PBK: variants seen among roughly 807,000 people sequenced by gnomAD.
PBK encodes the protein lymphokine-activated killer T-cell-originated protein kinase.
PBK carries 22 observed loss-of-function variants against 33.5 expected under a neutral mutation model. That is an observed-to-expected ratio of 0.66 (90% confidence interval 0.47 to 0.94). PBK has a LOEUF of 0.94. Among genes scored for constraint, PBK ranks in the 40% least tolerant of loss-of-function variants. The pLI, the probability that PBK is intolerant of heterozygous loss-of-function variation, is 0.00. For missense variants in PBK, 376 were observed against 383.4 expected (o/e 0.98, Z 0.16); for synonymous variants, 129 against 123.8 (o/e 1.04, Z -0.28).
chr8:27,810,528 T>TAAAC, intron 7 of PBK, 27 bp from the exon 8 acceptor site: 1 of 1,408,520 alleles, frequency 7.1e-7, no homozygotes, highest in Non-Finnish European at 9.9e-7. Context: ...ATTGAAACAA[T>TAAAC]AAACAAAATC....
intron 6 of PBK, among the ~76,000 whole-genome samples, chr8:27,814,220 A>G (rs72609986): frequency 0.16 from 23,939 of 152,154 alleles, 2,392 homozygotes; most frequent in East Asian, 0.37. Context: ...CTTAGTAGAC[A>G]TAGGGCTATG....
intron 3 of PBK, among the ~76,000 whole-genome samples, chr8:27,826,795 C>CAAAAA (rs5890381): frequency 6.0e-5 from 4 of 66,218 alleles, no homozygotes; most frequent in Non-Finnish European, 8.1e-5. Context: ...GACTCCGTCT[C>CAAAAA]AAAAAAAAAA....
intron 3 of PBK, among the ~76,000 whole-genome samples, chr8:27,824,929 A>AAT (rs1428818204): frequency 3.3e-5 from 5 of 152,216 alleles, no homozygotes; most frequent in Admixed American, 6.5e-5. Context: ...TAACAAAAAA[A>AAT]ATATAGACTT....
chr8:27,826,352 G>A (rs1806023814), intron 3 of PBK, among the ~76,000 whole-genome samples: 1 of 152,148 alleles, frequency 6.6e-6, no homozygotes, highest in African/African-American at 2.4e-5. Context: ...GCTACCAGAT[G>A]TCCTAAATGA....
intron 3 of PBK, among the ~76,000 whole-genome samples, chr8:27,826,366 C>T (rs1006968353): frequency 6.6e-6 from 1 of 152,010 alleles, no homozygotes; most frequent in African/African-American, 2.4e-5. Context: ...TAAATGAAAA[C>T]GGGATGTAAA....
intron 1 of PBK, among the ~76,000 whole-genome samples, chr8:27,836,280 G>C (rs1806226732): frequency 6.6e-6 from 1 of 152,028 alleles, no homozygotes. Context: ...ATGAGACAAA[G>C]TCAGGGAGGC....
chr8:27,832,931 CA>C, intron 2 of PBK, 124 bp downstream of exon 2: 4 of 605,964 alleles, frequency 6.6e-6, no homozygotes, highest in Non-Finnish European at 1.2e-5. Context: ...AGATTAACAT[CA>C]TAAAGGGGAG....
Position 27,820,548 on chromosome 8 carries a change from T to C in PBK, c.595+17A>G. 6.7e-7 allele frequency: 1 copy of C among 1,485,958 alleles called. No homozygotes were observed. Among genetic ancestry groups the C allele is most frequent in the Middle Eastern group, 1.7e-4 (1 of 5,774 alleles). 92.0% of individuals were successfully genotyped at this position (1,485,958 alleles called of 1,614,324 possible). A position where few individuals can be genotyped will look rare whatever the true frequency, so the allele number is the denominator to read the frequency against. ...TGTATTAAAAACAAAATTTTAAAAC[T>C]TAAGAGTACAACTTACCAGTCATAT... On this transcript the variant is annotated intron_variant, in intron 6 of 7. Coordinates refer to ENST00000301905, the MANE Select transcript of PBK (RefSeq NM_018492.4).
Position 27,811,122 on chromosome 8 carries a change from T to C in PBK, c.608A>G (p.Glu203Gly). ...LDENMTVTDPEACYIGTEPWK... is the reference protein window; with the variant it reads ...LDENMTVTDPGACYIGTEPWK... ...TGGCTCTGTGCCAATGTAACAAGCC[T>C]CAGGGTCAGTCACTGAAACAAGCAA... Residue 203 changes from glutamate to glycine, a missense_variant, in exon 7 of 8, where the codon GAG becomes GGG. By Grantham distance (98) the Glu-to-Gly change is moderately conservative (BLOSUM62 -2). Coordinates refer to ENST00000301905, the MANE Select transcript of PBK (RefSeq NM_018492.4). The C allele has an allele frequency of 6.2e-7, 1 of 1,613,834 alleles. No individual in the cohort carries two copies. The highest frequency in any genetic ancestry group is 8.5e-7 in the Non-Finnish European group (1 of 1,179,820).
intron 1 of PBK, among the ~76,000 whole-genome samples, chr8:27,836,470 A>C (rs541445552): frequency 1.3e-5 from 2 of 151,826 alleles, no homozygotes. Flanking sequence ...TGAAGATTTA[A>C]GTTTGTGGGA....
At chr8:27,830,515 T>C (rs1372171461) in intron 2 of PBK, among the ~76,000 whole-genome samples, 3 of 152,156 alleles carry the variant, frequency 2.0e-5, no homozygotes, top group Non-Finnish European at 2.9e-5. Flanking sequence ...CATCCAACAA[T>C]AGACAATTAC....
intron 3 of PBK, among the ~76,000 whole-genome samples, chr8:27,824,441 AAAAAT>A (rs759086946): frequency 2.8e-4 from 43 of 152,162 alleles, no homozygotes; most frequent in Non-Finnish European, 7.4e-5. Flanking sequence ...TTACACAAGA[AAAAAT>A]AAAGACAATA....
chr8:27,811,692 AATTC>A lies in PBK; in HGVS notation c.596-562_596-559del, dbSNP rs1478249473. Among the ~76,000 whole-genome samples the A allele has an allele frequency of 2.0e-5, 3 of 152,272 alleles. No homozygotes were observed. In the South Asian group the frequency reaches 6.2e-4, roughly 32 times the overall value. ...CAATTTCAATGAAAAAGCCAGCTAAAATTCTCATTAGGATTGGACTAAATCTCTG... is the reference window on the plus strand; with the variant it reads ...CAATTTCAATGAAAAAGCCAGCTAAATCATTAGGATTGGACTAAATCTCTG... On this transcript the variant is annotated intron_variant, in intron 6 of 7. Transcript: ENST00000301905.
intron 3 of PBK, among the ~76,000 whole-genome samples, chr8:27,824,306 C>CA (rs1805986388): frequency 6.6e-6 from 1 of 152,068 alleles, no homozygotes; most frequent in South Asian, 2.1e-4. Flanking sequence ...AGTCAATCTT[C>CA]ACCTTTTCCA....
At chr8:27,817,229 A>G (rs1805834948) in intron 6 of PBK, among the ~76,000 whole-genome samples, 1 of 152,146 alleles carries the variant, frequency 6.6e-6, no homozygotes. Flanking sequence ...CATCTTGATG[A>G]AAAGTATCTA....
chr8:27,829,459 C>T (rs1234558229), intron 2 of PBK, among the ~76,000 whole-genome samples: 1 of 152,192 alleles, frequency 6.6e-6, no homozygotes, highest in Non-Finnish European at 1.5e-5. Context: ...CTAAATCAAA[C>T]ACTCTTTAAA....
intron 3 of PBK, among the ~76,000 whole-genome samples, chr8:27,823,694 T>C (rs910066795): frequency 1.3e-5 from 2 of 152,108 alleles, no homozygotes; most frequent in African/African-American, 4.8e-5. Flanking sequence ...CAATTCACCT[T>C]ATACCTTTTA....
rs1446620784 is a variant in PBK, at chr8:27,822,488, C to T, written c.296G>A (p.Gly99Asp). The T allele has an allele frequency of 6.3e-7, 1 of 1,586,388 alleles. No individual in the cohort carries two copies. Among genetic ancestry groups the T allele is most frequent in the Non-Finnish European group, 8.6e-7 (1 of 1,167,094 alleles). The change falls in exon 5 of 8, where the codon GGT becomes GAT. Residue 99 changes from glycine to aspartate, a missense_variant and splice_region_variant. Gly to Asp is a moderately conservative substitution (Grantham distance 94). Coordinates refer to ENST00000301905, the MANE Select transcript of PBK (RefSeq NM_018492.4). ...LKSLHHPNIV[G>D]YRAFTEANDG... ...ATTGGCTTCAGTAAAAGCACGATAA[C>T]CTTAAAGAAAACATGACATTTCTTC...
At chr8:27,829,841 T>TG (rs776732048) in intron 2 of PBK, among the ~76,000 whole-genome samples, 1 of 151,248 alleles carries the variant, frequency 6.6e-6, no homozygotes, top group Non-Finnish European at 1.5e-5. Flanking sequence ...CACTCCAGCC[T>TG]GGGCGACAGG....
Sources: allele counts gnomAD v4.1 joint callset (sites outside exome capture counted in the v4.1 genomes callset), GRCh38; gene constraint gnomAD v4.1.1; transcripts MANE v1.5; gene names NCBI Gene and HGNC (gene_info 2026-07-23, HGNC 2026-07-21).